TLN2: variants seen among roughly 807,000 people sequenced by gnomAD.
The protein encoded by TLN2 is talin 2.
In TLN2, 118 loss-of-function variants were observed where a neutral mutation model predicts 294.7. The ratio of observed to expected loss-of-function variants is 0.40; its 90% CI spans 0.34 to 0.47. TLN2 has a LOEUF of 0.47. Ranked by LOEUF, TLN2 falls within the 20% of genes least tolerant of loss-of-function variation. The pLI, the probability that TLN2 is intolerant of heterozygous loss-of-function variation, is 0.84. For missense variants in TLN2, 3,083 were observed against 3,282.2 expected (o/e 0.94, Z 1.48); for synonymous variants, 1,431 against 1,304.5 (o/e 1.10, Z -2.09).
At chr15:62,495,749 T>C (rs903020710) in intron 1 of TLN2, among the ~76,000 whole-genome samples, 1 of 152,178 alleles carries the variant, frequency 6.6e-6, no homozygotes, top group Admixed American at 6.5e-5. Flanking sequence ...GCAGTTTGTG[T>C]GTAAAAGCCC....
rs910745950 is a variant in TLN2, at chr15:62,764,371, A to G, written c.5094+676A>G. The stretch of plus-strand genomic sequence containing the variant: ...TGCAGAAGGTGCTTAATAAACATGG[A>G]TGGTCTGTTTATTGATGTTTATCTT... On this transcript the variant is annotated intron_variant, in intron 40 of 58. Transcript: ENST00000636159. Among the ~76,000 whole-genome samples the G allele has an allele frequency of 3.3e-5, 5 of 152,212 alleles. No individual in the cohort carries two copies. In the East Asian group the frequency reaches 7.7e-4, roughly 24 times the overall value.
Position 62,525,025 on chromosome 15 carries a change from G to A in TLN2, c.-237-64662G>A, listed in dbSNP as rs147323293. Among the ~76,000 whole-genome samples the A allele has an allele frequency of 1.7e-3, 266 of 152,334 alleles. 1 individual carries two copies. The highest frequency in any genetic ancestry group is 6.1e-3 in the African/African-American group (254 of 41,584). On this transcript the variant is annotated intron_variant, in intron 1 of 58. Transcript: ENST00000636159. ...TGGAGCTCATCCTCATAGTCATCGT[G>A]ATAGCATCTCTGCATGTGAATTCAT...
At chr15:62,542,792 A>T (rs184339894) in intron 1 of TLN2, among the ~76,000 whole-genome samples, 74 of 152,146 alleles carry the variant, frequency 4.9e-4, no homozygotes, top group African/African-American at 1.6e-3. Flanking sequence ...TCTTCAACTC[A>T]TGGTGACAAA....
chr15:62,691,080 T>G (rs921453710), intron 12 of TLN2, among the ~76,000 whole-genome samples: 1 of 150,362 alleles, frequency 6.7e-6, no homozygotes, highest in Non-Finnish European at 1.5e-5. Flanking sequence ...GGGTATGGGC[T>G]TCTTAAGATT....
At chr15:62,599,048 C>A (rs1291082245) in intron 2 of TLN2, among the ~76,000 whole-genome samples, 2 of 152,176 alleles carry the variant, frequency 1.3e-5, no homozygotes, top group Non-Finnish European at 2.9e-5. Context: ...GGATGGAGTT[C>A]CTCCTTGTCA....
intron 55 of TLN2, chr15:62,834,835 A>G (rs975896514): frequency 1.3e-5 from 2 of 152,208 alleles, no homozygotes; most frequent in South Asian, 4.1e-4. Context: ...ATAAAGGGCT[A>G]TGTGTCCAAC....
chr15:62,671,791 G>T (rs903823627), intron 9 of TLN2, among the ~76,000 whole-genome samples: 1 of 152,052 alleles, frequency 6.6e-6, no homozygotes, highest in African/African-American at 2.4e-5. Context: ...TATTTTTATA[G>T]AATTTCTTGT....
intron 5 of TLN2, among the ~76,000 whole-genome samples, chr15:62,651,059 A>T (rs2052533042): frequency 6.6e-6 from 1 of 152,212 alleles, no homozygotes; most frequent in Non-Finnish European, 1.5e-5. Context: ...TTATAGTAAA[A>T]ATTAAAAATA....
chr15:62,415,584 T>A (rs1324948425), intron 1 of TLN2, among the ~76,000 whole-genome samples: 1 of 101,720 alleles, frequency 9.8e-6, no homozygotes, highest in Non-Finnish European at 2.0e-5. Flanking sequence ...ATTTAACCCC[T>A]GCTTGCCCCA....
chr15:62,587,941 C>T lies in TLN2; in HGVS notation c.-237-1746C>T, dbSNP rs566874849. On this transcript the variant is annotated intron_variant, in intron 1 of 58. Coordinates refer to ENST00000636159, the MANE Select transcript of TLN2 (RefSeq NM_015059.3). The stretch of plus-strand genomic sequence containing the variant: ...TGCAGTCCAGGCTGGAGTGTAGTGG[C>T]GTGATCTCGGCTCACTGCAAGCTCC... Among the ~76,000 whole-genome samples the T allele has an allele frequency of 5.6e-3, 854 of 152,078 alleles. 2 individuals are homozygous for T. Among genetic ancestry groups the T allele is most frequent in the Non-Finnish European group, 9.7e-3 (657 of 67,986 alleles).
chr15:62,794,881 G>A (rs547451083), intron 46 of TLN2, among the ~76,000 whole-genome samples: 2 of 152,310 alleles, frequency 1.3e-5, no homozygotes, highest in East Asian at 3.9e-4. Context: ...CATGTTTGAA[G>A]AAATCTACCT....
intron 1 of TLN2, among the ~76,000 whole-genome samples, chr15:62,547,165 T>C (rs2042040612): frequency 6.6e-6 from 1 of 152,250 alleles, no homozygotes; most frequent in Non-Finnish European, 1.5e-5. Context: ...ATTCTGTAGA[T>C]CACTCATAGT....
intron 1 of TLN2, among the ~76,000 whole-genome samples, chr15:62,541,190 C>A (rs111303495): frequency 3.0e-4 from 46 of 152,214 alleles, no homozygotes; most frequent in African/African-American, 1.1e-3. Context: ...CTGAACTATT[C>A]TCTCTACTTT....
At chr15:62,503,178 G>C (rs141331852) in intron 1 of TLN2, among the ~76,000 whole-genome samples, 1,988 of 152,208 alleles carry the variant, frequency 0.013, 24 homozygotes, top group Non-Finnish European at 0.021. Context: ...TATTATAAAA[G>C]TAATATGTGT....
At chr15:62,623,935 T>C (rs551908989) in intron 3 of TLN2, among the ~76,000 whole-genome samples, 8 of 152,260 alleles carry the variant, frequency 5.3e-5, no homozygotes, top group South Asian at 2.1e-4. Flanking sequence ...TTTAGTTGGT[T>C]TTTTGCTTTA....
intron 45 of TLN2, chr15:62,784,964 C>T (rs914431035): frequency 6.6e-6 from 1 of 151,942 alleles, no homozygotes; most frequent in Non-Finnish European, 1.5e-5. Flanking sequence ...AGAGATATTC[C>T]AGAAATGAAG....
chr15:62,806,540 C>T (rs988350771), intron 51 of TLN2, among the ~76,000 whole-genome samples: 2 of 152,190 alleles, frequency 1.3e-5, no homozygotes, highest in Non-Finnish European at 2.9e-5. Flanking sequence ...TATAGCAGAA[C>T]TTGGCGAGCT....
chr15:62,691,585 T>G (rs1448381332), intron 12 of TLN2, among the ~76,000 whole-genome samples: 1 of 152,206 alleles, frequency 6.6e-6, no homozygotes, highest in Non-Finnish European at 1.5e-5. Flanking sequence ...ATTTCAGTGT[T>G]GGCATGAGTT....
intron 2 of TLN2, among the ~76,000 whole-genome samples, chr15:62,607,072 G>T (rs1048645336): frequency 1.3e-5 from 2 of 152,142 alleles, no homozygotes; most frequent in Non-Finnish European, 2.9e-5. Context: ...GGCCACTCAT[G>T]CCTCTTCACA....
Sources: allele counts gnomAD v4.1 joint callset (sites outside exome capture counted in the v4.1 genomes callset), GRCh38; gene constraint gnomAD v4.1.1; transcripts MANE v1.5; gene names NCBI Gene and HGNC (gene_info 2026-07-23, HGNC 2026-07-21).